BAZ2B: variants seen among roughly 807,000 people sequenced by gnomAD.
BAZ2B encodes the protein bromodomain adjacent to zinc finger domain protein 2B.
In BAZ2B, 91 loss-of-function variants were observed where a neutral mutation model predicts 246.0. The ratio of observed to expected loss-of-function variants is 0.37; its 90% confidence interval spans 0.31 to 0.44. The LOEUF (loss-of-function observed/expected upper bound fraction) is 0.44, where lower values mean the gene tolerates loss of function less well. BAZ2B is among the 20% of genes least tolerant of loss of function. The pLI is 1.00. For missense variants in BAZ2B, 2,332 were observed against 2,533.7 expected (o/e 0.92, Z 1.71); for synonymous variants, 855 against 860.0 (o/e 0.99, Z 0.10).
intron 13 of BAZ2B, among the ~76,000 whole-genome samples, chr2:159,418,578 A>G (rs1385813473): frequency 1.3e-5 from 2 of 150,874 alleles, no homozygotes; most frequent in African/African-American, 4.9e-5. Context: ...TGTTGCTCCC[A>G]TTTTTTAAAT....
intron 27 of BAZ2B, among the ~76,000 whole-genome samples, chr2:159,351,241 A>G (rs1039746018): frequency 2.6e-5 from 4 of 152,148 alleles, no homozygotes; most frequent in African/African-American, 9.7e-5. Context: ...ATAATATTCT[A>G]AACTGCTAGA....
the BAZ2B span, among the ~76,000 whole-genome samples, chr2:159,696,266 G>T: frequency 6.6e-6 from 1 of 152,110 alleles, no homozygotes; most frequent in Non-Finnish European, 1.5e-5. Context: ...GTTCAAAAAT[G>T]ACTTCTGCTT....
intron 3 of BAZ2B, among the ~76,000 whole-genome samples, chr2:159,455,720 T>C (rs1378246841): frequency 6.6e-6 from 1 of 151,056 alleles, no homozygotes; most frequent in Admixed American, 6.6e-5. Context: ...TACCCAAATG[T>C]CATTATCTTT....
intron 7 of BAZ2B, 73 bp downstream of exon 7, chr2:159,438,936 T>A: frequency 6.8e-7 from 1 of 1,461,958 alleles, no homozygotes; most frequent in South Asian, 1.3e-5. Flanking sequence ...CTACAGACTT[T>A]GAGAGTCAAG....
intron 31 of BAZ2B, among the ~76,000 whole-genome samples, chr2:159,343,775 C>T (rs1367222789): frequency 6.6e-6 from 1 of 151,968 alleles, no homozygotes; most frequent in East Asian, 1.9e-4. Context: ...ATCTGTAATC[C>T]CAGCACTTTG....
In BAZ2B at chr2:159,499,662, C is replaced by T. The variant is rs150077192; in HGVS notation, c.-2-20941G>A. ...CAACAGTGTAAAAGCATTCCTTTTCCCCTGCAACCTCACCAGCATCTGTTG... is the reference window on the plus strand; with the variant it reads ...CAACAGTGTAAAAGCATTCCTTTTCTCCTGCAACCTCACCAGCATCTGTTG... On this transcript the variant is annotated intron_variant, in intron 2 of 36. Coordinates refer to ENST00000392783, the MANE Select transcript of BAZ2B (RefSeq NM_013450.4). Among the ~76,000 whole-genome samples, 755 of 152,232 alleles carry T rather than the reference C, an allele frequency of 5.0e-3. 6 individuals are homozygous for T. Among genetic ancestry groups the T allele is most frequent in the African/African-American group, 0.017 (709 of 41,552 alleles).
chr2:159,681,858 G>C, the BAZ2B span, among the ~76,000 whole-genome samples: 4 of 152,196 alleles, frequency 2.6e-5, no homozygotes, highest in Non-Finnish European at 5.9e-5. Flanking sequence ...CCAGGAGGTG[G>C]AGGTTGCAGT....
the BAZ2B span, among the ~76,000 whole-genome samples, chr2:159,645,086 G>A: frequency 2.0e-5 from 3 of 152,132 alleles, no homozygotes; most frequent in South Asian, 4.2e-4. Flanking sequence ...ACCAGCCTGG[G>A]CAACATGGTG....
the BAZ2B span, among the ~76,000 whole-genome samples, chr2:159,687,308 G>T: frequency 2.0e-5 from 3 of 152,098 alleles, no homozygotes; most frequent in Non-Finnish European, 2.9e-5. Flanking sequence ...TGCTACTAAG[G>T]TGAACAGCCT....
the BAZ2B span, among the ~76,000 whole-genome samples, chr2:159,624,600 T>C: frequency 5.8e-4 from 89 of 152,182 alleles, no homozygotes; most frequent in Non-Finnish European, 9.6e-4. Context: ...GGCCTGACTG[T>C]TGGAAGGAAA....
chr2:159,398,132 A>C (rs1231907714), intron 18 of BAZ2B: 1 of 152,162 alleles, frequency 6.6e-6, no homozygotes, highest in African/African-American at 2.4e-5. Context: ...TTTACAAAGT[A>C]TAACTGTGGT....
chr2:159,569,426 TAAG>T (rs1683403635), intron 1 of BAZ2B, among the ~76,000 whole-genome samples: 1 of 152,038 alleles, frequency 6.6e-6, no homozygotes, highest in Non-Finnish European at 1.5e-5. Flanking sequence ...TTAATAAAAA[TAAG>T]AAACAAATTT....
intron 27 of BAZ2B, among the ~76,000 whole-genome samples, chr2:159,366,683 C>T (rs2060251869): frequency 6.6e-6 from 1 of 152,214 alleles, no homozygotes; most frequent in Non-Finnish European, 1.5e-5. Context: ...GCTTCCTTGA[C>T]ATGAGTAATA....
At chr2:159,650,521 C>T in the BAZ2B span, among the ~76,000 whole-genome samples, 1 of 152,228 alleles carries the variant, frequency 6.6e-6, no homozygotes, top group Non-Finnish European at 1.5e-5. Context: ...GGCACTATTC[C>T]TATTCCTGTG....
At chr2:159,589,749 C>T (rs1347036920) in intron 1 of BAZ2B, among the ~76,000 whole-genome samples, 11 of 152,050 alleles carry the variant, frequency 7.2e-5, no homozygotes, top group South Asian at 2.1e-4. Flanking sequence ...AACAAATATA[C>T]ATATACTGGT....
At chr2:159,527,179 A>G (rs777174173) in intron 2 of BAZ2B, among the ~76,000 whole-genome samples, 19 of 151,982 alleles carry the variant, frequency 1.3e-4, no homozygotes, top group African/African-American at 3.9e-4. Flanking sequence ...GTGTGTGGTA[A>G]TATGTCATTT....
intron 2 of BAZ2B, among the ~76,000 whole-genome samples, chr2:159,531,076 A>G (rs962985883): frequency 6.6e-6 from 1 of 152,244 alleles, no homozygotes; most frequent in Non-Finnish European, 1.5e-5. Flanking sequence ...AATTATTATT[A>G]TCATTATGCA....
chr2:159,477,172 G>T (rs977232087), intron 3 of BAZ2B, among the ~76,000 whole-genome samples: 1 of 152,080 alleles, frequency 6.6e-6, no homozygotes, highest in South Asian at 2.1e-4. Flanking sequence ...AGGTGTGGTG[G>T]TGGGCACCTG....
At chr2:159,341,544 C>G (rs547746728) in intron 31 of BAZ2B, among the ~76,000 whole-genome samples, 1 of 152,262 alleles carries the variant, frequency 6.6e-6, no homozygotes, top group East Asian at 1.9e-4. Flanking sequence ...ACGTACAGAA[C>G]ATTTCATCCA....
Sources: allele counts gnomAD v4.1 joint callset (sites outside exome capture counted in the v4.1 genomes callset), GRCh38; gene constraint gnomAD v4.1.1; transcripts MANE v1.5; gene names NCBI Gene and HGNC (gene_info 2026-07-23, HGNC 2026-07-21).